HECTD4: variants seen among roughly 807,000 people sequenced by gnomAD.
HECTD4 encodes probable E3 ubiquitin-protein ligase HECTD4.
Under a neutral mutation model 471.5 loss-of-function variants are expected in HECTD4, and 114 were observed. That is an observed-to-expected ratio of 0.24 (90% CI 0.21 to 0.28). The LOEUF is 0.28. Ranked by LOEUF, HECTD4 falls within the 10% of genes least tolerant of loss-of-function variation. HECTD4 has a pLI of 1.00. For synonymous variants in HECTD4, 2,012 were observed against 2,256.0 expected (o/e 0.89, Z 3.07); for missense variants, 3,866 against 5,651.5 (o/e 0.68, Z 10.13).
Position 112,201,019 on chromosome 12 carries a change from T to A in HECTD4, c.8407-221A>T, listed in dbSNP as rs2032412821. On this transcript the variant is annotated intron_variant, in intron 54 of 75. Coordinates refer to ENST00000682272, the MANE Select transcript of HECTD4 (RefSeq NM_001388303.1). ...TTTTTGAAACACATATTATAAGTAA[T>A]CTTATTACTATATAAACTTGCTATG... is the stretch of plus-strand genomic sequence containing the variant. 6.7e-6 allele frequency: 4 copies of A among 593,516 alleles called. No homozygotes were observed. In the South Asian group the frequency reaches 6.8e-5, roughly 10 times the overall value. The allele number at this position is 593,516 out of a possible 1,614,324, so 36.8% of individuals were successfully genotyped here.
In HECTD4 at chr12:112,382,166, C is replaced by T. The variant is rs2036907787; in HGVS notation, c.-38G>A. 10 of 1,213,682 alleles carry T rather than the reference C, an allele frequency of 8.2e-6. No individual in the cohort carries two copies. In the South Asian group the frequency reaches 3.3e-4, roughly 40 times the overall value. The allele number at this position is 1,213,682 out of a possible 1,614,324, so 75.2% of individuals were successfully genotyped here. ...AGGCTTGGCGCTGAGGAGCAGACGC[C>T]CGGCCGGGGGAAACGGAGCAGGAGC... On this transcript the variant is annotated 5_prime_UTR_variant, in exon 1 of 76. Coordinates refer to ENST00000682272, the MANE Select transcript of HECTD4 (RefSeq NM_001388303.1).
intron 7 of HECTD4, among the ~76,000 whole-genome samples, chr12:112,286,174 C>T (rs997567595): frequency 3.3e-5 from 5 of 152,178 alleles, no homozygotes; most frequent in East Asian, 1.9e-4. Flanking sequence ...TTAGCAAAGG[C>T]GCTCTTCAGG....
rs1566076065 is a variant in HECTD4 at position 112,217,320 on chromosome 12, C to CAT, written c.7075-126_7075-125insAT. On this transcript the variant is annotated intron_variant, in intron 45 of 75. Coordinates refer to ENST00000682272, the MANE Select transcript of HECTD4 (RefSeq NM_001388303.1). ...AGGCATACACACACACACACACATA[C>CAT]ACACACACACACACATACACACACA... is the stretch of plus-strand genomic sequence containing the variant. 196 of 384,158 alleles carry CAT rather than the reference C, an allele frequency of 5.1e-4. 1 individual carries two copies. In the South Asian group the frequency reaches 5.4e-3, roughly 11 times the overall value. The allele number at this position is 384,158 out of a possible 1,614,324, so 23.8% of individuals were successfully genotyped here.
At position 112,235,912 on chromosome 12, in the gene HECTD4, T is replaced by A; in HGVS notation, c.5445-128A>T. The A allele has an allele frequency of 1.3e-6, 1 of 786,008 alleles. No individual in the cohort carries two copies. The highest frequency in any genetic ancestry group is 2.0e-6 in the Non-Finnish European group (1 of 505,958). The allele number at this position is 786,008 out of a possible 1,614,324, so 48.7% of individuals were successfully genotyped here. The stretch of plus-strand genomic sequence containing the variant: ...TCACGAGGAATCATGAATGTGGCAC[T>A]ATGCTTCTGTGAAGAATTAAGAATT... On this transcript the variant is annotated intron_variant, in intron 35 of 75. Transcript: ENST00000682272. The surrounding 1 kb of genome is among the most constrained non-coding windows in gnomAD (Gnocchi z 5.0).
chr12:112,295,824 T>C (rs7305707), intron 7 of HECTD4, among the ~76,000 whole-genome samples: 4,595 of 149,076 alleles, frequency 0.031, 102 homozygotes, highest in East Asian at 0.096. Flanking sequence ...TATATATATA[T>C]ACACACACAC....
chr12:112,353,759 T>TTC (rs1427540486), intron 1 of HECTD4, among the ~76,000 whole-genome samples: 5 of 152,214 alleles, frequency 3.3e-5, no homozygotes, highest in African/African-American at 1.2e-4. Flanking sequence ...AACTTCAGCT[T>TTC]TAAAAAGTTA....
At position 112,313,150 on chromosome 12, in the gene HECTD4, A is replaced by G; in HGVS notation, c.786-3T>C. Reference sequence around the variant, plus strand: ...GCCCCCCTTCCAAAAGCAACAGCCTATATGGGGGAGAAAGAAAATCACAAA... The same window carrying G: ...GCCCCCCTTCCAAAAGCAACAGCCTGTATGGGGGAGAAAGAAAATCACAAA... On this transcript the variant is annotated splice_region_variant and splice_polypyrimidine_tract_variant and intron_variant, in intron 3 of 75. Coordinates refer to ENST00000682272, the MANE Select transcript of HECTD4 (RefSeq NM_001388303.1). 8 of 1,532,272 alleles carry G rather than the reference A, an allele frequency of 5.2e-6. No homozygotes were observed. The highest frequency in any genetic ancestry group is 7.0e-6 in the Non-Finnish European group (8 of 1,144,728). 94.9% of individuals were successfully genotyped at this position (1,532,272 alleles called of 1,614,324 possible).
chr12:112,274,418 C>A (rs953337300), intron 10 of HECTD4, among the ~76,000 whole-genome samples: 2 of 152,168 alleles, frequency 1.3e-5, no homozygotes, highest in Admixed American at 1.3e-4. Context: ...TAAAAAAATT[C>A]TTTCTGGCTG....
At chr12:112,167,230 G>A in intron 72 of HECTD4, 87 bp downstream of exon 72, 2 of 1,187,316 alleles carry the variant, frequency 1.7e-6, no homozygotes, top group South Asian at 1.5e-5. Flanking sequence ...AGCCTCAGCG[G>A]GGAGCTCGGG....
At chr12:112,219,602 ATTTT>A (rs369653709) in intron 44 of HECTD4, 113 bp from the exon 45 acceptor site, 9 of 514,606 alleles carry the variant, frequency 1.7e-5, no homozygotes, top group East Asian at 7.6e-5. Context: ...AGCTCATTGA[ATTTT>A]TTTTTTTTTT....
intron 7 of HECTD4, 94 bp downstream of exon 7, chr12:112,305,968 ACG>A (rs1313532109): frequency 9.6e-5 from 110 of 1,142,866 alleles, no homozygotes; most frequent in Non-Finnish European, 1.3e-4. Context: ...CACACTATAC[ACG>A]CTGCAAGGTT....
At chr12:112,274,084 C>G (rs767034387) in intron 10 of HECTD4, among the ~76,000 whole-genome samples, 48 of 152,172 alleles carry the variant, frequency 3.2e-4, no homozygotes, top group Admixed American at 2.3e-3. Flanking sequence ...ATTTAAGTGG[C>G]TTACATTAAA....
intron 1 of HECTD4, among the ~76,000 whole-genome samples, chr12:112,349,388 C>CAAAAAAAAA (rs60480485): frequency 7.3e-5 from 4 of 54,672 alleles, no homozygotes; most frequent in Non-Finnish European, 1.4e-4. Context: ...ACTCTTGCTC[C>CAAAAAAAAA]AAAAAAAAAA....
Position 112,188,905 on chromosome 12 carries a change from C to T in HECTD4, c.9472+1881G>A, listed in dbSNP as rs1284814414. On this transcript the variant is annotated intron_variant, in intron 60 of 75. Coordinates refer to ENST00000682272, the MANE Select transcript of HECTD4 (RefSeq NM_001388303.1). The surrounding 1 kb of genome is among the most constrained non-coding windows in gnomAD (Gnocchi z 4.2). ...TCATGTCACCTCCGTTGTCCTTGCT[C>T]TACCATTTAGCATTCATGTAAGACG... Among the ~76,000 whole-genome samples the T allele has an allele frequency of 6.6e-6, 1 of 152,250 alleles. No individual in the cohort carries two copies. The highest frequency in any genetic ancestry group is 3.2e-3 in the Middle Eastern group (1 of 316).
intron 37 of HECTD4, 101 bp from the exon 38 acceptor site, chr12:112,233,186 C>T: frequency 1.6e-6 from 1 of 625,434 alleles, no homozygotes; most frequent in Non-Finnish European, 2.8e-6. Context: ...CCCTATTATA[C>T]ACTAACATTA....
intron 39 of HECTD4, 153 bp from the exon 40 acceptor site, chr12:112,230,975 A>T: frequency 1.5e-6 from 1 of 662,486 alleles, no homozygotes; most frequent in Non-Finnish European, 2.5e-6. Flanking sequence ...CTACATTATC[A>T]TTAGGAAGAA....
At chr12:112,212,144 C>T (rs1230281682) in intron 49 of HECTD4, among the ~76,000 whole-genome samples, 1 of 152,170 alleles carries the variant, frequency 6.6e-6, no homozygotes, top group Non-Finnish European at 1.5e-5. Flanking sequence ...ACATACTGAG[C>T]AACCAAAGAG....
rs553042516 is a variant in HECTD4, at chr12:112,345,977, A to C, written c.178-26235T>G. ...CTGGAGCTATGGCTCAAGAACTCAC[A>C]GGAAGTCTGGTAGTTAGGAGAAACA... On this transcript the variant is annotated intron_variant, in intron 1 of 75. Coordinates refer to ENST00000682272, the MANE Select transcript of HECTD4 (RefSeq NM_001388303.1). 2.0e-5 allele frequency among the ~76,000 whole-genome samples: 3 copies of C among 152,366 alleles called. No individual in the cohort carries two copies. The East Asian group carries it at 5.8e-4, about 29-fold the overall frequency.
At chr12:112,205,265 G>A (rs542805182) in intron 52 of HECTD4, among the ~76,000 whole-genome samples, 17 of 151,526 alleles carry the variant, frequency 1.1e-4, no homozygotes, top group East Asian at 5.9e-4. Context: ...GCAAAACCCC[G>A]TCTCTATTAA....
Sources: gnomAD v4.1 joint callset for allele counts (sites outside exome capture counted in the v4.1 genomes callset) on GRCh38, gnomAD v4.1.1 for gene constraint, Gnocchi (gnomAD v3.1) non-coding constraint, MANE v1.5 for transcripts, NCBI Gene and HGNC (gene_info 2026-07-23, HGNC 2026-07-21) for gene names.